NPC1: variants seen among roughly 807,000 people sequenced by gnomAD.
NPC1 encodes the protein NPC intracellular cholesterol transporter 1.
In NPC1, 85 loss-of-function variants were observed where a neutral mutation model predicts 140.4. That is an observed-to-expected ratio of 0.61 (90% CI 0.51 to 0.72). The LOEUF is 0.72. Among genes scored for constraint, NPC1 ranks in the 30% least tolerant of loss-of-function variants. The pLI is 0.00. For missense variants in NPC1, 1,504 were observed against 1,623.8 expected (o/e 0.93, Z 1.27); for synonymous variants, 656 against 624.8 (o/e 1.05, Z -0.74).
intron 21 of NPC1, among the ~76,000 whole-genome samples, chr18:23,536,170 G>C (rs1425336909): frequency 4.6e-5 from 7 of 152,170 alleles, no homozygotes; most frequent in Admixed American, 1.3e-4. Flanking sequence ...CGAGATCATG[G>C]GGAGGCAGGA....
At chr18:23,566,612 A>T (rs1052084214) in intron 4 of NPC1, among the ~76,000 whole-genome samples, 3 of 151,246 alleles carry the variant, frequency 2.0e-5, no homozygotes, top group South Asian at 2.1e-4. Flanking sequence ...ACACACACAC[A>T]CTCTATAGAT....
At chr18:23,511,892 T>C (rs2057867812) in intron 3 of NPC1, among the ~76,000 whole-genome samples, 1 of 152,158 alleles carries the variant, frequency 6.6e-6, no homozygotes, top group African/African-American at 2.4e-5. Context: ...TGAACCAGTA[T>C]CGCCAAATTT....
At chr18:23,575,195 G>C (rs182783426) in intron 1 of NPC1, among the ~76,000 whole-genome samples, 1 of 152,208 alleles carries the variant, frequency 6.6e-6, no homozygotes, top group Non-Finnish European at 1.5e-5. Context: ...CAAACAGGAC[G>C]GGTGTCTGGA....
chr18:23,529,240 C>A (rs1251850468), downstream of NPC1: 2 of 1,614,044 alleles, frequency 1.2e-6, no homozygotes, highest in Non-Finnish European at 1.7e-6. Flanking sequence ...CGGACCCAGG[C>A]GGTGCTGGAC....
chr18:23,552,288 C>G (rs2058883973), intron 9 of NPC1, among the ~76,000 whole-genome samples: 1 of 151,320 alleles, frequency 6.6e-6, no homozygotes, highest in South Asian at 2.1e-4. Context: ...AAGATCCCAT[C>G]TCTAAAAAAA....
At chr18:23,536,637 G>C (rs374203451) in intron 21 of NPC1, 36 bp downstream of exon 21, 29 of 1,578,660 alleles carry the variant, frequency 1.8e-5, no homozygotes, top group Middle Eastern at 3.4e-4. Flanking sequence ...TAGGCCCTTT[G>C]CTGGGTAAAC....
At position 23,534,464 on chromosome 18, in the gene NPC1, A is replaced by G. The variant is rs1370191406; in HGVS notation, c.3573T>C (p.Leu1191=). The G allele has an allele frequency of 6.2e-7, 1 of 1,613,626 alleles. No homozygotes were observed. Among genetic ancestry groups the G allele is most frequent in the South Asian group, 1.1e-5 (1 of 91,074 alleles). Residue 1191 remains leucine (L), a synonymous_variant, in exon 23 of 25, where the codon CTT becomes CTC. Coordinates refer to ENST00000269228, the MANE Select transcript of NPC1 (RefSeq NM_000271.5). ...GSRVERAEEA[L]AHMGSSVFSG... ...TACTCACGGAGCTGCCCATGTGGGC[A>G]AGTGCCTCTTCCGCGCGCTCCACGC... is the stretch of plus-strand genomic sequence containing the variant.
chr18:23,570,765 A>G lies in NPC1; in HGVS notation c.287+1309T>C, dbSNP rs116144024. ...TTGCTGGCTAGGCCTAGAGAAGAAC[A>G]TCTATTACCAAGCCCTTTTTCACTG... On this transcript the variant is annotated intron_variant, in intron 3 of 24. Coordinates refer to ENST00000269228, the MANE Select transcript of NPC1 (RefSeq NM_000271.5). Among the ~76,000 whole-genome samples, 487 of 152,372 alleles carry G rather than the reference A, an allele frequency of 3.2e-3. 4 individuals carry two copies. Among genetic ancestry groups the G allele is most frequent in the African/African-American group, 0.011 (468 of 41,588 alleles).
Position 23,586,422 on chromosome 18 carries a change from C to T in NPC1, c.-79G>A. The T allele has an allele frequency of 1.3e-6, 2 of 1,524,852 alleles. No individual in the cohort carries two copies. Among genetic ancestry groups the T allele is most frequent in the South Asian group, 2.4e-5 (2 of 82,880 alleles). 94.5% of individuals were successfully genotyped at this position (1,524,852 alleles called of 1,614,324 possible). A position where few individuals can be genotyped will look rare whatever the true frequency, so the allele number is the denominator to read the frequency against. On this transcript the variant is annotated 5_prime_UTR_variant, in exon 1 of 25. Transcript: ENST00000269228. ...CCGGAGGCGGCTCTACTTCCCCGGG[C>T]TGTTTCAGCACCCCGCGCAGGAGGA...
Position 23,576,331 on chromosome 18 carries a change from A to G in NPC1, c.58-2757T>C, listed in dbSNP as rs758688779. 2.3e-4 allele frequency: 55 copies of G among 241,168 alleles called. 2 individuals are homozygous for G. Among genetic ancestry groups the G allele is most frequent in the Middle Eastern group, 2.1e-3 (1 of 480 alleles). 14.9% of individuals were successfully genotyped at this position (241,168 alleles called of 1,614,324 possible). On this transcript the variant is annotated intron_variant, in intron 1 of 24. Transcript: ENST00000269228. ...AGCTACTCCGGAGGCTGAGCTGGGA[A>G]GATCAGCTTGAACCCAGGAGGTTGA...
At chr18:23,524,992 G>A (rs2058254216), downstream of NPC1, among the ~76,000 whole-genome samples, 1 of 142,606 alleles carries the variant, frequency 7.0e-6, no homozygotes, top group South Asian at 2.2e-4. Flanking sequence ...CGTTGCCCAG[G>A]CTGGAGTGCA....
chr18:23,535,443 CAAACTG>C lies in NPC1; in HGVS notation c.3477+20_3477+25del, dbSNP rs1567945149. The C allele has an allele frequency of 3.9e-6, 6 of 1,524,168 alleles. No homozygotes were observed. The highest frequency in any genetic ancestry group is 5.4e-6 in the Non-Finnish European group (6 of 1,105,008). 94.4% of individuals were successfully genotyped at this position (1,524,168 alleles called of 1,614,324 possible). On this transcript the variant is annotated intron_variant, in intron 22 of 24. Coordinates refer to ENST00000269228, the MANE Select transcript of NPC1 (RefSeq NM_000271.5). ...CCCCAAGTGAAACAGGAGCTAGGGA[CAAACTG>C]AGACTGTATGAGGACTCACCATCAC...
intron 9 of NPC1, 53 bp downstream of exon 9, chr18:23,554,705 C>A: frequency 7.0e-7 from 1 of 1,434,738 alleles, no homozygotes. Context: ...GCCCATGTAC[C>A]CTAAGTCAGA....
In NPC1 at chr18:23,554,877, G is replaced by A. The variant is rs767984882; in HGVS notation, c.1434C>T (p.Asn478=). ...AATTTAACACACTCAAAATGGTGCA[G>A]TTCGTGTTATACGGTGAAAGAGGGG... ...CLAPLSPYNT[N]CTILSVLNYF... is the part of the protein sequence containing the mutation. Residue 478 remains asparagine, a synonymous_variant, in exon 9 of 25, where the codon AAC becomes AAT. Coordinates refer to ENST00000269228, the MANE Select transcript of NPC1 (RefSeq NM_000271.5). The A allele has an allele frequency of 3.1e-6, 5 of 1,613,982 alleles. No homozygotes were observed. In the South Asian group the frequency reaches 5.5e-5, roughly 18 times the overall value.
chr18:23,556,610 T>A lies in NPC1; in HGVS notation c.959A>T (p.Glu320Val). The A allele has an allele frequency of 2.5e-6, 4 of 1,613,700 alleles. No homozygotes were observed. Among genetic ancestry groups the A allele is most frequent in the Non-Finnish European group, 3.4e-6 (4 of 1,179,892 alleles). Reference protein sequence around the residue: ...AFSVNASDKGEASCCDPVSAA... With the variant: ...AFSVNASDKGVASCCDPVSAA... ...GCTGACAGGGTCACAGCAGGACGCC[T>A]CTCCTGGAAGAACGGGAGAGGAAGG... The change falls in exon 8 of 25, where the codon GAG (glutamate) becomes GTG (valine). Residue 320 changes from glutamate (E) to valine (V), a missense_variant. By Grantham distance (121) the Glu-to-Val change is moderately radical (BLOSUM62 -2). Coordinates refer to ENST00000269228, the MANE Select transcript of NPC1 (RefSeq NM_000271.5).
At chr18:23,507,935 G>A in intron 3 of NPC1, 2 of 1,569,668 alleles carry the variant, frequency 1.3e-6, no homozygotes, top group African/African-American at 1.4e-5. Flanking sequence ...TAGGTTGGCA[G>A]TATGCTGCCT....
chr18:23,532,414 C>A, intron 24 of NPC1, 130 bp from the exon 25 acceptor site: 1 of 961,670 alleles, frequency 1.0e-6, no homozygotes, highest in Non-Finnish European at 1.7e-6. Flanking sequence ...CCAGCCTGGA[C>A]AACAGAGTGA....
intron 3 of NPC1, among the ~76,000 whole-genome samples, chr18:23,511,140 G>A (rs1598852243): frequency 1.3e-5 from 2 of 152,228 alleles, no homozygotes; most frequent in South Asian, 4.1e-4. Flanking sequence ...GGAATACTAT[G>A]CAGCCATAAA....
At chr18:23,540,576 G>A in intron 16 of NPC1, 39 bp from the exon 17 acceptor site, 1 of 1,350,290 alleles carries the variant, frequency 7.4e-7, no homozygotes, top group Non-Finnish European at 1.1e-6. Context: ...AGACTGCTTA[G>A]TAAATAAGCT....
Sources: allele counts gnomAD v4.1 joint callset (sites outside exome capture counted in the v4.1 genomes callset), GRCh38; gene constraint gnomAD v4.1.1; transcripts MANE v1.5; gene names NCBI Gene and HGNC (gene_info 2026-07-23, HGNC 2026-07-21).